Variants in NNAT observed in about 807,000 individuals in gnomAD.
NNAT encodes the protein neuronatin.
A neutral mutation model predicts 12.7 loss-of-function variants in NNAT; 8 were observed. The observed-to-expected ratio is 0.63, with a 90% CI of 0.37 to 1.14. The LOEUF (loss-of-function observed/expected upper bound fraction) is 1.14, where lower values mean the gene tolerates loss of function less well. Among genes scored for constraint, NNAT ranks in the 50% most tolerant of loss-of-function variants. The pLI is 0.01. For missense variants in NNAT, 94 were observed against 108.3 expected, an observed-to-expected ratio of 0.87 and a Z score of 0.59; for synonymous variants, 52 against 48.5, an observed-to-expected ratio of 1.07 and a Z score of -0.30.
intron 2 of NNAT, 69 bp from the exon 3 acceptor site, chr20:37,522,598 G>GGGGGGGGGGGGGGGGGGGGTGGCC: frequency 1.2e-6 from 1 of 864,476 alleles, no homozygotes; most frequent in Non-Finnish European, 1.7e-6. Context: ...GCGGGGGTGG[G>GGGGGGGGGGGGGGGGGGGGTGGCC]CACGGCAGCA....
rs1363665893 is a variant in NNAT at position 37,523,285 on chromosome 20, G to C, written c.*526G>C. On this transcript the variant is annotated 3_prime_UTR_variant, in exon 3 of 3. Coordinates refer to ENST00000649451, the MANE Select transcript of NNAT (RefSeq NM_005386.4). ...AGAAATACAGTGGGGCCCTCTCGCT[G>C]TCCCTTGCCCAGGGCACTTGCATTC... 6.5e-6 allele frequency: 1 copy of C among 152,788 alleles called. No homozygotes were observed. Among genetic ancestry groups the C allele is most frequent in the Non-Finnish European group, 1.5e-5 (1 of 68,356 alleles). The allele number at this position is 152,788 out of a possible 1,614,324, so 9.5% of individuals were successfully genotyped here.
chr20:37,522,834 C>T lies in NNAT; in HGVS notation c.*75C>T. ...ATCTCGGCCAGCACGGGAGCCAGTGCCGCGCAGGAATGTGGGGTCCCCTGT... is the reference window on the plus strand; with the variant it reads ...ATCTCGGCCAGCACGGGAGCCAGTGTCGCGCAGGAATGTGGGGTCCCCTGT... On this transcript the variant is annotated 3_prime_UTR_variant, in exon 3 of 3. Coordinates refer to ENST00000649451, the MANE Select transcript of NNAT (RefSeq NM_005386.4). 2.2e-6 allele frequency: 3 copies of T among 1,380,044 alleles called. No individual in the cohort carries two copies. The South Asian group carries it at 4.0e-5, about 19-fold the overall frequency. The allele number at this position is 1,380,044 out of a possible 1,614,324, so 85.5% of individuals were successfully genotyped here. A position where few individuals can be genotyped will look rare whatever the true frequency, so the allele number is the denominator to read the frequency against.
In NNAT at chr20:37,523,010, TA is replaced by T. The variant is rs1006868358; in HGVS notation, c.*252del. 32 of 454,222 alleles carry T rather than the reference TA, an allele frequency of 7.0e-5. No individual in the cohort carries two copies. The highest frequency in any genetic ancestry group is 6.6e-4 in the East Asian group (19 of 28,748). The allele number at this position is 454,222 out of a possible 1,614,324, so 28.1% of individuals were successfully genotyped here. A position where few individuals can be genotyped will look rare whatever the true frequency, so the allele number is the denominator to read the frequency against. On this transcript the variant is annotated 3_prime_UTR_variant, in exon 3 of 3. Coordinates refer to ENST00000649451, the MANE Select transcript of NNAT (RefSeq NM_005386.4). ...GGCAGGGTCGAGAGAGGAGGGGGGA[TA>T]GGGGGAGCAGACCCCTGAGATCTGG...
Position 37,522,557 on chromosome 20 carries a change from C to A in NNAT, c.154-110C>A, listed in dbSNP as rs1049408855. On this transcript the variant is annotated intron_variant, in intron 2 of 2. Coordinates refer to ENST00000649451, the MANE Select transcript of NNAT (RefSeq NM_005386.4). ...CGCCCGCGCCCGCCTCTCCAGCCTACGCTGGATGGGCGGGCGGGGCAGGGG... is the reference window on the plus strand; with the variant it reads ...CGCCCGCGCCCGCCTCTCCAGCCTAAGCTGGATGGGCGGGCGGGGCAGGGG... 18 of 993,236 alleles carry A rather than the reference C, an allele frequency of 1.8e-5. No individual in the cohort carries two copies. In the South Asian group the frequency reaches 2.6e-4, roughly 14 times the overall value. The allele number at this position is 993,236 out of a possible 1,614,324, so 61.5% of individuals were successfully genotyped here.
At position 37,522,746 on chromosome 20, in the gene NNAT, G is replaced by C; in HGVS notation, c.233G>C (p.Arg78Pro). The change falls in exon 3 of 3, where the codon CGA (arginine) becomes CCA (proline). Residue 78 changes from arginine (R) to proline (P), a missense_variant. Transcript: ENST00000649451. ...CAGGTGTTGGGGGAGCGCAGGCAGCGAGCCCCCAACTGAGGCCCCAGCTCC... is the reference window on the plus strand; with the variant it reads ...CAGGTGTTGGGGGAGCGCAGGCAGCCAGCCCCCAACTGAGGCCCCAGCTCC... The part of the protein sequence containing the change: ...GRQVLGERRQ[R>P]APN 6.2e-7 allele frequency: 1 copy of C among 1,605,274 alleles called. No homozygotes were observed.
rs2071579884 is a variant in NNAT, at chr20:37,521,654, G to T, written c.72+251G>T. On this transcript the variant is annotated intron_variant, in intron 1 of 2. Transcript: ENST00000649451. The surrounding 1 kb of genome is among the most constrained non-coding windows in gnomAD (Gnocchi z 4.5). ...ACTCGGGGCGCGGCGGGCGACCGCT[G>T]CGGACGATCACCCAGGCATTTAGCG... 1 of 514,412 alleles carries T rather than the reference G, an allele frequency of 1.9e-6. No individual in the cohort carries two copies. The highest frequency in any genetic ancestry group is 3.5e-6 in the Non-Finnish European group (1 of 285,950). The allele number at this position is 514,412 out of a possible 1,614,324, so 31.9% of individuals were successfully genotyped here. A position where few individuals can be genotyped will look rare whatever the true frequency, so the allele number is the denominator to read the frequency against.
In NNAT at chr20:37,523,103, C is replaced by T. The variant is rs2071646839; in HGVS notation, c.*344C>T. On this transcript the variant is annotated 3_prime_UTR_variant, in exon 3 of 3. Coordinates refer to ENST00000649451, the MANE Select transcript of NNAT (RefSeq NM_005386.4). ...ACCATCCCAGCCCCGAAGCCAGGGC[C>T]ATGCCAGCAGGCCCCACCATGGAAA... 1 of 249,884 alleles carries T rather than the reference C, an allele frequency of 4.0e-6. No individual in the cohort carries two copies. The highest frequency in any genetic ancestry group is 7.6e-6 in the Non-Finnish European group (1 of 131,028). The allele number at this position is 249,884 out of a possible 1,614,324, so 15.5% of individuals were successfully genotyped here. A position where few individuals can be genotyped will look rare whatever the true frequency, so the allele number is the denominator to read the frequency against.
At position 37,521,668 on chromosome 20, in the gene NNAT, A is replaced by G; in HGVS notation, c.72+265A>G. ...GGGCGACCGCTGCGGACGATCACCC[A>G]GGCATTTAGCGACCTACGCGGTAAG... is the stretch of plus-strand genomic sequence containing the variant. On this transcript the variant is annotated intron_variant, in intron 1 of 2. Transcript: ENST00000649451. This position sits in a 1 kb window ranked among gnomAD's most constrained non-coding sequence, Gnocchi z 4.5. 3 of 482,474 alleles carry G rather than the reference A, an allele frequency of 6.2e-6. No homozygotes were observed. The highest frequency in any genetic ancestry group is 1.1e-5 in the Non-Finnish European group (3 of 267,464). The allele number at this position is 482,474 out of a possible 1,614,324, so 29.9% of individuals were successfully genotyped here.
chr20:37,521,598 C>T lies in NNAT; in HGVS notation c.72+195C>T, dbSNP rs1474710093. ...GCCGTCCTCCTCGCGCTGACCCTCC[C>T]TAGTGCGCCCGCGCCTGCCAGGGAA... On this transcript the variant is annotated intron_variant, in intron 1 of 2. Coordinates refer to ENST00000649451, the MANE Select transcript of NNAT (RefSeq NM_005386.4). The surrounding 1 kb of genome is among the most constrained non-coding windows in gnomAD (Gnocchi z 4.5). The T allele has an allele frequency of 3.4e-6, 2 of 591,460 alleles. No homozygotes were observed. The highest frequency in any genetic ancestry group is 2.0e-5 in the South Asian group (1 of 50,356). 36.6% of individuals were successfully genotyped at this position (591,460 alleles called of 1,614,324 possible). A position where few individuals can be genotyped will look rare whatever the true frequency, so the allele number is the denominator to read the frequency against.
At position 37,522,822 on chromosome 20, in the gene NNAT, C is replaced by T. The variant is rs1163916676; in HGVS notation, c.*63C>T. Reference sequence around the variant, plus strand: ...GTGCTCCTGTGCATCTCGGCCAGCACGGGAGCCAGTGCCGCGCAGGAATGT... The same window carrying T: ...GTGCTCCTGTGCATCTCGGCCAGCATGGGAGCCAGTGCCGCGCAGGAATGT... On this transcript the variant is annotated 3_prime_UTR_variant, in exon 3 of 3. Coordinates refer to ENST00000649451, the MANE Select transcript of NNAT (RefSeq NM_005386.4). 3 of 1,449,898 alleles carry T rather than the reference C, an allele frequency of 2.1e-6. No individual in the cohort carries two copies. The highest frequency in any genetic ancestry group is 2.8e-6 in the Non-Finnish European group (3 of 1,072,830). 89.8% of individuals were successfully genotyped at this position (1,449,898 alleles called of 1,614,324 possible).
At position 37,521,659 on chromosome 20, in the gene NNAT, C is replaced by T. The variant is rs2071580114; in HGVS notation, c.72+256C>T. On this transcript the variant is annotated intron_variant, in intron 1 of 2. Transcript: ENST00000649451. This position sits in a 1 kb window ranked among gnomAD's most constrained non-coding sequence, Gnocchi z 4.5. Reference sequence around the variant, plus strand: ...GGGCGCGGCGGGCGACCGCTGCGGACGATCACCCAGGCATTTAGCGACCTA... The same window carrying T: ...GGGCGCGGCGGGCGACCGCTGCGGATGATCACCCAGGCATTTAGCGACCTA... The T allele has an allele frequency of 2.0e-6, 1 of 503,764 alleles. No homozygotes were observed. Among genetic ancestry groups the T allele is most frequent in the East Asian group, 3.6e-5 (1 of 28,112 alleles). The allele number at this position is 503,764 out of a possible 1,614,324, so 31.2% of individuals were successfully genotyped here.
rs564510265 is a variant in NNAT, at chr20:37,521,254, C to T, written c.-78C>T. ...CGCGGCCACCGCGGCTGCGGCAGTG[C>T]GCCCAACAGCGGACTCCGAGACCAG... is the stretch of plus-strand genomic sequence containing the variant. On this transcript the variant is annotated 5_prime_UTR_variant, in exon 1 of 3. Transcript: ENST00000649451. The surrounding 1 kb of genome is among the most constrained non-coding windows in gnomAD (Gnocchi z 4.5). The T allele has an allele frequency of 6.8e-6, 10 of 1,474,844 alleles. No individual in the cohort carries two copies. The Admixed American group carries it at 1.0e-4, about 15-fold the overall frequency. 91.4% of individuals were successfully genotyped at this position (1,474,844 alleles called of 1,614,324 possible).
rs762972061 is a variant in NNAT, at chr20:37,521,420, T to G, written c.72+17T>G. On this transcript the variant is annotated intron_variant, in intron 1 of 2. Transcript: ENST00000649451. This position sits in a 1 kb window ranked among gnomAD's most constrained non-coding sequence, Gnocchi z 4.5. ...CTGCTGCAGGTAAGTCTGACGGGGT[T>G]TCGGGTGGGAGAGGGTTCCCAACTC... is the stretch of plus-strand genomic sequence containing the variant. 2 of 1,613,736 alleles carry G rather than the reference T, an allele frequency of 1.2e-6. No homozygotes were observed. The highest frequency in any genetic ancestry group is 2.2e-5 in the South Asian group (2 of 91,084).
At chr20:37,522,305 G>T (rs996548987) in intron 1 of NNAT, 53 bp from the exon 2 acceptor site, 11 of 1,485,132 alleles carry the variant, frequency 7.4e-6, no homozygotes, top group African/African-American at 6.9e-5. Context: ...TTTGCAGGAA[G>T]AATTCCCTGC....
At position 37,521,693 on chromosome 20, in the gene NNAT, GAA is replaced by G; in HGVS notation, c.72+294_72+295del. The G allele has an allele frequency of 2.5e-6, 1 of 404,838 alleles. No individual in the cohort carries two copies. The highest frequency in any genetic ancestry group is 4.5e-6 in the Non-Finnish European group (1 of 221,256). 25.1% of individuals were successfully genotyped at this position (404,838 alleles called of 1,614,324 possible). ...AGGCATTTAGCGACCTACGCGGTAA[GAA>G]AAACCCGCTACACCCGGACTCGACC... is the stretch of plus-strand genomic sequence containing the variant. On this transcript the variant is annotated intron_variant, in intron 1 of 2. Transcript: ENST00000649451. The surrounding 1 kb of genome is among the most constrained non-coding windows in gnomAD (Gnocchi z 4.5).
intron 1 of NNAT, 47 bp from the exon 2 acceptor site, chr20:37,522,311 C>G: frequency 1.3e-6 from 2 of 1,529,350 alleles, no homozygotes; most frequent in Non-Finnish European, 1.8e-6. Flanking sequence ...GGAAGAATTC[C>G]CTGCTAAAGG....
intron 2 of NNAT, 77 bp downstream of exon 2, chr20:37,522,515 G>A (rs2071620005): frequency 6.7e-7 from 1 of 1,485,694 alleles, no homozygotes; most frequent in East Asian, 2.3e-5. Context: ...CAGCTGCCCT[G>A]ACTCGTGGAC....
Position 37,523,047 on chromosome 20 carries a change from C to G in NNAT, c.*288C>G, listed in dbSNP as rs1442346731. The G allele has an allele frequency of 7.9e-6, 3 of 378,472 alleles. No individual in the cohort carries two copies. The highest frequency in any genetic ancestry group is 1.4e-5 in the Non-Finnish European group (3 of 210,716). 23.4% of individuals were successfully genotyped at this position (378,472 alleles called of 1,614,324 possible). A position where few individuals can be genotyped will look rare whatever the true frequency, so the allele number is the denominator to read the frequency against. On this transcript the variant is annotated 3_prime_UTR_variant, in exon 3 of 3. Transcript: ENST00000649451. ...ACCCCTGAGATCTGGGCATAGGCAC[C>G]GCATTCTGATCTGGACAAAGTCGGG...
intron 1 of NNAT, among the ~76,000 whole-genome samples, chr20:37,522,080 C>T (rs2071599551): frequency 6.7e-6 from 1 of 148,154 alleles, no homozygotes; most frequent in Non-Finnish European, 1.5e-5. Flanking sequence ...AAAAATGGAT[C>T]GGGCAAAAAC....
Sources: allele counts gnomAD v4.1 joint callset (sites outside exome capture counted in the v4.1 genomes callset), GRCh38; gene constraint gnomAD v4.1.1; non-coding constraint Gnocchi (gnomAD v3.1); transcripts MANE v1.5; gene names NCBI Gene and HGNC (gene_info 2026-07-23, HGNC 2026-07-21).